SNTG1: variants seen among roughly 807,000 people sequenced by gnomAD.
SNTG1 encodes the protein gamma-1-syntrophin.
In SNTG1, 39 loss-of-function variants were observed where a neutral mutation model predicts 74.7. The ratio of observed to expected loss-of-function variants is 0.52; its 90% CI spans 0.40 to 0.68. SNTG1 has a LOEUF of 0.68. SNTG1 is among the 30% of genes least tolerant of loss of function. The pLI is 0.00. For missense variants in SNTG1, 685 were observed against 609.5 expected (o/e 1.12, Z -1.30); for synonymous variants, 254 against 217.1 (o/e 1.17, Z -1.49).
rs368340565 is a variant in SNTG1, at chr8:50,549,621, G to A, written c.681-3429G>A. 4.8e-3 allele frequency among the ~76,000 whole-genome samples: 737 copies of A among 152,242 alleles called. 7 individuals are homozygous for A. The highest frequency in any genetic ancestry group is 0.034 in the South Asian group (162 of 4,818). On this transcript the variant is annotated intron_variant, in intron 11 of 18. Transcript: ENST00000642720. ...GGATCAGAGAGAAAAATTGCAGCAA[G>A]ATATGTGAGTTATCACTGATTACAC...
At chr8:49,984,209 TA>T (rs1384669238) in intron 1 of SNTG1, among the ~76,000 whole-genome samples, 5 of 151,858 alleles carry the variant, frequency 3.3e-5, no homozygotes, top group African/African-American at 7.3e-5. Context: ...TTTATTTATT[TA>T]TTTTTTTTTG....
At chr8:50,200,995 G>A (rs890801190) in intron 2 of SNTG1, among the ~76,000 whole-genome samples, 1 of 152,008 alleles carries the variant, frequency 6.6e-6, no homozygotes, top group Non-Finnish European at 1.5e-5. Context: ...CAAAGGAGGG[G>A]CTCATTCATT....
In SNTG1 at chr8:49,970,471, G is replaced by C. The variant is rs144581312; in HGVS notation, c.-103+58240G>C. On this transcript the variant is annotated intron_variant, in intron 1 of 18. Coordinates refer to ENST00000642720, the MANE Select transcript of SNTG1 (RefSeq NM_018967.5). ...GATGTGAACAGTGCTTCTCTTCCAGGGACTAATGCAGTTGTTTTAGATTAT... is the reference window on the plus strand; with the variant it reads ...GATGTGAACAGTGCTTCTCTTCCAGCGACTAATGCAGTTGTTTTAGATTAT... Among the ~76,000 whole-genome samples the C allele has an allele frequency of 3.6e-3, 545 of 152,174 alleles. 5 individuals are homozygous for C. The highest frequency in any genetic ancestry group is 0.013 in the African/African-American group (520 of 41,502).
At chr8:50,390,512 A>G (rs1479478884) in intron 2 of SNTG1, among the ~76,000 whole-genome samples, 1 of 152,160 alleles carries the variant, frequency 6.6e-6, no homozygotes, top group Non-Finnish European at 1.5e-5. Context: ...TGATGCCTCC[A>G]GCTTTGTTCT....
chr8:50,668,286 T>G (rs1240029740), intron 15 of SNTG1, among the ~76,000 whole-genome samples: 1 of 151,950 alleles, frequency 6.6e-6, no homozygotes, highest in African/African-American at 2.4e-5. Flanking sequence ...CTTATTTCCC[T>G]TTTACCAAGA....
intron 1 of SNTG1, among the ~76,000 whole-genome samples, chr8:50,056,585 C>T (rs1820041935): frequency 6.6e-6 from 1 of 152,092 alleles, no homozygotes; most frequent in Non-Finnish European, 1.5e-5. Context: ...GTTCACAAAC[C>T]ACACAAAGCA....
At chr8:50,298,350 A>G (rs556634106) in intron 2 of SNTG1, among the ~76,000 whole-genome samples, 35 of 152,160 alleles carry the variant, frequency 2.3e-4, no homozygotes, top group Admixed American at 7.2e-4. Context: ...TTATATTCCA[A>G]TGGGGTGGAG....
intron 2 of SNTG1, among the ~76,000 whole-genome samples, chr8:50,339,264 A>G (rs921472387): frequency 1.3e-5 from 2 of 152,052 alleles, no homozygotes; most frequent in Admixed American, 1.3e-4. Context: ...TGGGGAACAT[A>G]TTTTCAGTTC....
rs191577023 is a variant in SNTG1, at chr8:50,772,427, G to A, written c.1396-20244G>A. Among the ~76,000 whole-genome samples, 232 of 152,178 alleles carry A rather than the reference G, an allele frequency of 1.5e-3. 1 individual carries two copies. The highest frequency in any genetic ancestry group is 6.8e-3 in the Middle Eastern group (2 of 294). ...TGTCTAGTTTTCCCTTTTAGAATAG[G>A]AACATTGAATAAATGTCTGTTATAC... On this transcript the variant is annotated intron_variant, in intron 18 of 18. Transcript: ENST00000642720.
At chr8:49,969,271 T>A (rs934266555) in intron 1 of SNTG1, among the ~76,000 whole-genome samples, 3 of 152,046 alleles carry the variant, frequency 2.0e-5, no homozygotes, top group African/African-American at 7.2e-5. Flanking sequence ...GAGAGAGGCA[T>A]TAATGCGAGG....
intron 1 of SNTG1, among the ~76,000 whole-genome samples, chr8:50,148,505 C>A (rs2081951393): frequency 6.6e-6 from 1 of 152,130 alleles, no homozygotes; most frequent in South Asian, 2.1e-4. Context: ...TGTGCTGCAC[C>A]CATTAACTCA....
chr8:50,056,471 G>A (rs1201644247), intron 1 of SNTG1, among the ~76,000 whole-genome samples: 1 of 152,122 alleles, frequency 6.6e-6, no homozygotes, highest in Non-Finnish European at 1.5e-5. Flanking sequence ...GAAAAGCTGT[G>A]GAGAAGGATG....
At chr8:50,445,293 T>C (rs2093396390) in intron 5 of SNTG1, among the ~76,000 whole-genome samples, 1 of 152,230 alleles carries the variant, frequency 6.6e-6, no homozygotes, top group Non-Finnish European at 1.5e-5. Flanking sequence ...CTCTAATTAC[T>C]GTTATTCTGT....
intron 15 of SNTG1, among the ~76,000 whole-genome samples, chr8:50,700,390 T>C (rs532497141): frequency 2.0e-5 from 3 of 152,286 alleles, no homozygotes; most frequent in African/African-American, 4.8e-5. Flanking sequence ...ATGTTGAAAG[T>C]AGATCTTTAA....
chr8:49,960,859 T>C (rs1317494497), intron 1 of SNTG1, among the ~76,000 whole-genome samples: 1 of 152,170 alleles, frequency 6.6e-6, no homozygotes, highest in Non-Finnish European at 1.5e-5. Context: ...AATGAGATAA[T>C]GGCCCCTCTA....
intron 13 of SNTG1, chr8:50,644,267 T>G (rs2095092849): frequency 6.6e-6 from 1 of 152,174 alleles, no homozygotes. Flanking sequence ...AGTTGACCCT[T>G]GAACACTTGA....
intron 4 of SNTG1, among the ~76,000 whole-genome samples, chr8:50,412,065 T>C (rs1266687940): frequency 6.6e-6 from 1 of 152,196 alleles, no homozygotes; most frequent in East Asian, 1.9e-4. Context: ...ACAAGAACAA[T>C]GGCACCCACA....
intron 8 of SNTG1, among the ~76,000 whole-genome samples, chr8:50,501,459 G>T (rs573824752): frequency 1.1e-3 from 119 of 108,880 alleles, no homozygotes; most frequent in African/African-American, 4.5e-3. Context: ...TTTTTTCACG[G>T]AGTTTTGCTC....
intron 1 of SNTG1, among the ~76,000 whole-genome samples, chr8:50,031,404 C>T (rs902217337): frequency 1.3e-5 from 2 of 151,914 alleles, no homozygotes; most frequent in Non-Finnish European, 2.9e-5. Flanking sequence ...GAGTGGATAT[C>T]CTTGCCTTGG....
Sources: allele counts gnomAD v4.1 joint callset (sites outside exome capture counted in the v4.1 genomes callset), GRCh38; gene constraint gnomAD v4.1.1; transcripts MANE v1.5; gene names NCBI Gene and HGNC (gene_info 2026-07-23, HGNC 2026-07-21).